FRAS1: variants seen among roughly 807,000 people sequenced by gnomAD.
FRAS1 encodes the protein Fraser extracellular matrix complex subunit 1.
Under a neutral mutation model 435.2 loss-of-function variants are expected in FRAS1, and 290 were observed. That is an observed-to-expected ratio of 0.67 (90% CI 0.61 to 0.73). The LOEUF is 0.73. Among genes scored for constraint, FRAS1 ranks in the 30% least tolerant of loss-of-function variants. FRAS1 has a pLI of 0.00. For synonymous variants in FRAS1, 1,800 were observed against 1,851.0 expected (o/e 0.97, Z 0.71); for missense variants, 4,860 against 5,001.5 (o/e 0.97, Z 0.85).
intron 4 of FRAS1, among the ~76,000 whole-genome samples, chr4:78,250,925 C>G (rs538389532): frequency 6.6e-6 from 1 of 152,096 alleles, no homozygotes; most frequent in South Asian, 2.1e-4. Flanking sequence ...TTTGAAATGT[C>G]TTTTTCTTAC....
chr4:78,450,263 G>T lies in FRAS1; in HGVS notation c.6387G>T (p.Met2129Ile). 1.2e-6 allele frequency: 2 copies of T among 1,613,878 alleles called. No individual in the cohort carries two copies. The highest frequency in any genetic ancestry group is 1.7e-6 in the Non-Finnish European group (2 of 1,179,816). ...ATCCTGGTGCAGGGCGCCTGCAGAT[G>T]ATGAAGCATGGCAACCTGGAGCAAA... The part of the protein sequence containing the change: ...KEDPGAGRLQ[M>I]MKHGNLEQIS... Residue 2129 changes from methionine (M) to isoleucine (I), a missense_variant, in exon 45 of 74, where the codon ATG (methionine) becomes ATT (isoleucine). Coordinates refer to ENST00000512123, the MANE Select transcript of FRAS1 (RefSeq NM_025074.7).
intron 14 of FRAS1, among the ~76,000 whole-genome samples, chr4:78,299,855 A>G (rs1351769906): frequency 1.3e-5 from 2 of 152,238 alleles, no homozygotes; most frequent in Non-Finnish European, 2.9e-5. Context: ...CAATGTCACC[A>G]GTGCACCTAG....
chr4:78,445,773 G>C, intron 42 of FRAS1, 61 bp downstream of exon 42: 2 of 1,568,536 alleles, frequency 1.3e-6, no homozygotes, highest in Non-Finnish European at 1.7e-6. Flanking sequence ...CACCATTAGA[G>C]AGCTTTCTTT....
chr4:78,280,920 A>G (rs1410158692), intron 10 of FRAS1, among the ~76,000 whole-genome samples: 2 of 152,166 alleles, frequency 1.3e-5, no homozygotes, highest in South Asian at 2.1e-4. Flanking sequence ...AGTCATCCTC[A>G]TTTCTTAAGA....
At chr4:78,127,834 G>A (rs1041573335) in intron 2 of FRAS1, among the ~76,000 whole-genome samples, 1 of 151,876 alleles carries the variant, frequency 6.6e-6, no homozygotes, top group Non-Finnish European at 1.5e-5. Context: ...CATGTGCCAT[G>A]TTGGTGTGCT....
chr4:78,185,389 C>G (rs1722227949), intron 2 of FRAS1, among the ~76,000 whole-genome samples: 1 of 152,126 alleles, frequency 6.6e-6, no homozygotes, highest in South Asian at 2.1e-4. Context: ...GTATTTGTGC[C>G]AGAGTTTATA....
chr4:78,369,000 T>A (rs565500941), intron 22 of FRAS1, among the ~76,000 whole-genome samples: 1 of 152,210 alleles, frequency 6.6e-6, no homozygotes, highest in South Asian at 2.1e-4. Flanking sequence ...GGTGGATGCA[T>A]GGAAAATGGA....
At chr4:78,204,579 G>A (rs189067754) in intron 2 of FRAS1, among the ~76,000 whole-genome samples, 1 of 152,304 alleles carries the variant, frequency 6.6e-6, no homozygotes. Flanking sequence ...AAGAACCAAT[G>A]TGAGTGTCTG....
intron 65 of FRAS1, among the ~76,000 whole-genome samples, chr4:78,515,183 A>G (rs958433068): frequency 2.6e-5 from 4 of 152,128 alleles, no homozygotes; most frequent in Non-Finnish European, 4.4e-5. Context: ...GCATTTGATT[A>G]AATAATTTTT....
intron 14 of FRAS1, among the ~76,000 whole-genome samples, chr4:78,303,670 G>A (rs979795444): frequency 3.4e-4 from 52 of 152,104 alleles, no homozygotes; most frequent in Non-Finnish European, 6.0e-4. Flanking sequence ...TGTTGTTGGT[G>A]TATAAGAATG....
chr4:78,387,547 C>T lies in FRAS1; in HGVS notation c.3821C>T (p.Thr1274Ile). 1 of 1,613,846 alleles carries T rather than the reference C, an allele frequency of 6.2e-7. No homozygotes were observed. The highest frequency in any genetic ancestry group is 8.5e-7 in the Non-Finnish European group (1 of 1,179,850). Residue 1274 changes from threonine to isoleucine, a missense_variant, in exon 29 of 74, where the codon ACC becomes ATC. Physicochemically the swap from Thr to Ile is moderately conservative, Grantham distance 89. Transcript: ENST00000512123. ...CTTCAGACACTTCAGTCCCCGGCAACCCCTATCTATCAATTCCAGCTGGAT... is the reference window on the plus strand; with the variant it reads ...CTTCAGACACTTCAGTCCCCGGCAATCCCTATCTATCAATTCCAGCTGGAT... ...QLLQTLQSPATPIYQFQLDEL... is the reference protein window; with the variant it reads ...QLLQTLQSPAIPIYQFQLDEL...
chr4:78,308,620 C>T (rs1728890503), intron 15 of FRAS1, among the ~76,000 whole-genome samples: 1 of 152,206 alleles, frequency 6.6e-6, no homozygotes, highest in Non-Finnish European at 1.5e-5. Flanking sequence ...GGCAGACCCG[C>T]CTTTGGTGTT....
At chr4:78,181,472 T>A in intron 2 of FRAS1, 1 of 1,611,830 alleles carries the variant, frequency 6.2e-7, no homozygotes, top group Non-Finnish European at 8.5e-7. Flanking sequence ...CCTATCAAAT[T>A]CACGTTTGCC....
chr4:78,127,475 A>G (rs765327124), intron 2 of FRAS1, among the ~76,000 whole-genome samples: 4 of 152,232 alleles, frequency 2.6e-5, no homozygotes, highest in African/African-American at 7.2e-5. Flanking sequence ...AGTGAATGAT[A>G]GTGGTGTTAA....
rs927789237 is a variant in FRAS1 at position 78,118,817 on chromosome 4, C to T, written c.108+52801C>T. Among the ~76,000 whole-genome samples the T allele has an allele frequency of 3.9e-5, 6 of 152,248 alleles. No homozygotes were observed. In the South Asian group the frequency reaches 8.3e-4, roughly 21 times the overall value. ...TTCGGCTTGCACTCGGTGCGCTGCA[C>T]TCACTGTCCTGCACCCACTCTCCGA... On this transcript the variant is annotated intron_variant, in intron 2 of 73. Coordinates refer to ENST00000512123, the MANE Select transcript of FRAS1 (RefSeq NM_025074.7).
chr4:78,487,762 AT>A (rs1373381215), intron 58 of FRAS1, among the ~76,000 whole-genome samples: 2 of 152,180 alleles, frequency 1.3e-5, no homozygotes, highest in Admixed American at 1.3e-4. Flanking sequence ...ATCTCATTAA[AT>A]TCAATTATAC....
intron 23 of FRAS1, among the ~76,000 whole-genome samples, chr4:78,371,083 G>GTTTTT (rs1242709942): frequency 7.8e-6 from 1 of 127,400 alleles, no homozygotes; most frequent in African/African-American, 3.2e-5. Context: ...TTTTTTTTCT[G>GTTTTT]TTTTTTTGTT....
At chr4:78,273,613 C>T (rs566115672) in intron 9 of FRAS1, among the ~76,000 whole-genome samples, 34 of 152,176 alleles carry the variant, frequency 2.2e-4, no homozygotes, top group East Asian at 9.6e-4. Context: ...TGCTGGATTA[C>T]GTTTATTGTT....
intron 2 of FRAS1, among the ~76,000 whole-genome samples, chr4:78,103,068 G>A (rs1429897848): frequency 1.3e-5 from 2 of 152,154 alleles, no homozygotes; most frequent in African/African-American, 4.8e-5. Flanking sequence ...GACACAGAAA[G>A]ACAAGTAAGA....
Sources: gnomAD v4.1 joint callset for allele counts (sites outside exome capture counted in the v4.1 genomes callset) on GRCh38, gnomAD v4.1.1 for gene constraint, MANE v1.5 for transcripts, NCBI Gene and HGNC (gene_info 2026-07-23, HGNC 2026-07-21) for gene names.